The following KCNIP4 variants were observed in gnomAD, a reference collection of about 807,000 sequenced individuals.
The protein encoded by KCNIP4 is potassium voltage-gated channel interacting protein 4, also known as Kv channel-interacting protein 4.
A neutral mutation model predicts 34.0 loss-of-function variants in KCNIP4; 12 were observed. The ratio of observed to expected loss-of-function variants is 0.35; its 90% CI spans 0.23 to 0.57. The LOEUF (loss-of-function observed/expected upper bound fraction) is 0.57. KCNIP4 is among the 20% of genes least tolerant of loss of function. The pLI is 0.83. For synonymous variants in KCNIP4, 124 were observed against 102.2 expected (o/e 1.21, Z -1.29); for missense variants, 238 against 311.7 (o/e 0.76, Z 1.78).
At chr4:21,662,321 T>G (rs898931965) in intron 1 of KCNIP4, among the ~76,000 whole-genome samples, 1 of 152,234 alleles carries the variant, frequency 6.6e-6, no homozygotes, top group Non-Finnish European at 1.5e-5. Flanking sequence ...TTTATTTTTG[T>G]CCATAAAAAA....
intron 1 of KCNIP4, among the ~76,000 whole-genome samples, chr4:21,469,569 A>C (rs1039119428): frequency 6.6e-6 from 1 of 152,310 alleles, no homozygotes; most frequent in Admixed American, 6.5e-5. Flanking sequence ...TTGTACAAAT[A>C]ACTTGGGAAA....
chr4:21,941,282 A>G (rs1730190784), intron 1 of KCNIP4, among the ~76,000 whole-genome samples: 1 of 152,170 alleles, frequency 6.6e-6, no homozygotes, highest in Non-Finnish European at 1.5e-5. Context: ...CAAACAGCAC[A>G]ACAAAAAAAG....
rs754265487 is a variant in KCNIP4, at chr4:21,131,998, C to T, written c.62-249289G>A. 3.9e-5 allele frequency among the ~76,000 whole-genome samples: 6 copies of T among 152,128 alleles called. No individual in the cohort carries two copies. The East Asian group carries it at 5.8e-4, about 15-fold the overall frequency. On this transcript the variant is annotated intron_variant, in intron 1 of 8. Coordinates refer to ENST00000382152, the MANE Select transcript of KCNIP4 (RefSeq NM_025221.6). ...AATTTTTTCAGTCAGAGAGAGGTAC[C>T]GTGGTAATGAGGAGGGCGTGTGATG...
chr4:21,245,139 T>C (rs1760108386), intron 1 of KCNIP4, among the ~76,000 whole-genome samples: 1 of 152,204 alleles, frequency 6.6e-6, no homozygotes, highest in Non-Finnish European at 1.5e-5. Flanking sequence ...TTCTTTAGCT[T>C]AGCTTTACCT....
At chr4:21,071,506 T>C (rs1473484473) in intron 1 of KCNIP4, among the ~76,000 whole-genome samples, 1 of 152,198 alleles carries the variant, frequency 6.6e-6, no homozygotes, top group Non-Finnish European at 1.5e-5. Context: ...TGAAGTCATG[T>C]AGAGTAACTT....
At chr4:21,352,846 C>G (rs541554002) in intron 1 of KCNIP4, among the ~76,000 whole-genome samples, 1 of 152,184 alleles carries the variant, frequency 6.6e-6, no homozygotes, top group Non-Finnish European at 1.5e-5. Flanking sequence ...CCCAGTGTAC[C>G]CAAACTGGGA....
At chr4:21,751,942 G>T (rs895438023) in intron 1 of KCNIP4, among the ~76,000 whole-genome samples, 1 of 152,138 alleles carries the variant, frequency 6.6e-6, no homozygotes, top group Non-Finnish European at 1.5e-5. Flanking sequence ...AATAGAAACT[G>T]TCTTTCTACT....
At chr4:21,051,553 A>G (rs1742933341) in intron 1 of KCNIP4, among the ~76,000 whole-genome samples, 1 of 152,188 alleles carries the variant, frequency 6.6e-6, no homozygotes, top group Non-Finnish European at 1.5e-5. Context: ...TATAGAGGTT[A>G]TTTAAATATT....
At chr4:21,005,377 G>C (rs1185810507) in intron 1 of KCNIP4, among the ~76,000 whole-genome samples, 1 of 152,158 alleles carries the variant, frequency 6.6e-6, no homozygotes, top group Non-Finnish European at 1.5e-5. Flanking sequence ...GTATCATGCA[G>C]ATAAAACTAA....
At chr4:21,278,146 G>A (rs1334810049) in intron 1 of KCNIP4, among the ~76,000 whole-genome samples, 1 of 152,106 alleles carries the variant, frequency 6.6e-6, no homozygotes, top group Non-Finnish European at 1.5e-5. Flanking sequence ...ACTAATGAGA[G>A]AGCAGCAAAT....
intron 1 of KCNIP4, among the ~76,000 whole-genome samples, chr4:21,296,668 C>T (rs916172901): frequency 5.3e-5 from 8 of 151,926 alleles, no homozygotes; most frequent in Non-Finnish European, 1.0e-4. Context: ...ATTATTTTGG[C>T]TTCAGAGTCT....
At chr4:20,734,238 A>G (rs1468788846) in intron 6 of KCNIP4, among the ~76,000 whole-genome samples, 1 of 152,214 alleles carries the variant, frequency 6.6e-6, no homozygotes, top group East Asian at 1.9e-4. Flanking sequence ...GCGTCAGGTC[A>G]TTCCACAATC....
intron 1 of KCNIP4, among the ~76,000 whole-genome samples, chr4:21,118,090 G>T (rs1281083667): frequency 6.6e-6 from 1 of 152,172 alleles, no homozygotes; most frequent in African/African-American, 2.4e-5. Context: ...ACTTGTGTGT[G>T]TGTGTTTGTG....
rs553515380 is a variant in KCNIP4 at position 21,355,974 on chromosome 4, G to A, written c.62-473265C>T. On this transcript the variant is annotated intron_variant, in intron 1 of 8. Transcript: ENST00000382152. ...CCACCATGATCAAGTGGGCTTCATCGCTGGGATGCATGACTGGTTCAACAT... is the reference window on the plus strand; with the variant it reads ...CCACCATGATCAAGTGGGCTTCATCACTGGGATGCATGACTGGTTCAACAT... Among the ~76,000 whole-genome samples the A allele has an allele frequency of 3.9e-5, 6 of 152,198 alleles. No individual in the cohort carries two copies. In the South Asian group the frequency reaches 8.3e-4, roughly 21 times the overall value.
chr4:21,772,951 C>G (rs57244827), intron 1 of KCNIP4, among the ~76,000 whole-genome samples: 22,594 of 151,974 alleles, frequency 0.15, 5,646 homozygotes, highest in African/African-American at 0.51. Context: ...TATTTCTTGT[C>G]TTCTGTAGCT....
intron 1 of KCNIP4, among the ~76,000 whole-genome samples, chr4:21,712,146 C>T (rs1016538286): frequency 7.2e-5 from 11 of 151,992 alleles, no homozygotes; most frequent in Non-Finnish European, 1.5e-4. Flanking sequence ...CAAAACAAAA[C>T]ACAACACACT....
intron 1 of KCNIP4, among the ~76,000 whole-genome samples, chr4:21,792,148 T>C (rs1488363125): frequency 6.6e-6 from 1 of 151,840 alleles, no homozygotes; most frequent in Non-Finnish European, 1.5e-5. Context: ...CTCTTGTTTC[T>C]CTCTCTCAAT....
At chr4:21,612,914 T>G (rs1182380426) in intron 1 of KCNIP4, among the ~76,000 whole-genome samples, 1 of 152,174 alleles carries the variant, frequency 6.6e-6, no homozygotes, top group Non-Finnish European at 1.5e-5. Flanking sequence ...AGAAAAATCT[T>G]CCTTTTAATA....
At chr4:20,904,637 G>A (rs1375345133) in intron 1 of KCNIP4, among the ~76,000 whole-genome samples, 18 of 152,076 alleles carry the variant, frequency 1.2e-4, no homozygotes, top group Admixed American at 1.1e-3. Context: ...CTTGATTGGA[G>A]AGTCCTTAAC....
Sources: allele counts gnomAD v4.1 joint callset (sites outside exome capture counted in the v4.1 genomes callset), GRCh38; gene constraint gnomAD v4.1.1; transcripts MANE v1.5; gene names NCBI Gene and HGNC (gene_info 2026-07-23, HGNC 2026-07-21).